CACNG5: variants seen among roughly 807,000 people sequenced by gnomAD.
CACNG5 encodes calcium voltage-gated channel auxiliary subunit gamma 5.
Under a neutral mutation model 24.8 loss-of-function variants are expected in CACNG5, and 18 were observed. The ratio of observed to expected loss-of-function variants is 0.73; its 90% CI spans 0.50 to 1.08. CACNG5 has a LOEUF of 1.08. Among genes scored for constraint, CACNG5 ranks in the 50% least tolerant of loss-of-function variants. The pLI, the probability that CACNG5 is intolerant of heterozygous loss-of-function variation, is 0.00. For synonymous variants in CACNG5, 157 were observed against 149.1 expected (o/e 1.05, Z -0.39); for missense variants, 349 against 367.9 (o/e 0.95, Z 0.42).
At chr17:66,857,137 G>A (rs1003844960) in intron 1 of CACNG5, among the ~76,000 whole-genome samples, 1 of 123,482 alleles carries the variant, frequency 8.1e-6, no homozygotes, top group Non-Finnish European at 1.6e-5. Context: ...GGACACTACA[G>A]CCTCCTCCTC....
Position 66,880,795 on chromosome 17 carries a change from G to A in CACNG5, c.424+98G>A, listed in dbSNP as rs948968436. ...CTTGCTCTGGCACCCACGCTGGAGT[G>A]CAGTGGCACGATCTTGGCTCACTGC... On this transcript the variant is annotated intron_variant, in intron 4 of 5. Transcript: ENST00000533854. The A allele has an allele frequency of 7.4e-6, 10 of 1,350,818 alleles. 1 individual carries two copies. The South Asian group carries it at 1.2e-4, about 16-fold the overall frequency. The allele number at this position is 1,350,818 out of a possible 1,614,324, so 83.7% of individuals were successfully genotyped here. A position where few individuals can be genotyped will look rare whatever the true frequency, so the allele number is the denominator to read the frequency against.
At chr17:66,882,170 A>G (rs73333296) in intron 4 of CACNG5, among the ~76,000 whole-genome samples, 1 of 152,100 alleles carries the variant, frequency 6.6e-6, no homozygotes, top group Non-Finnish European at 1.5e-5. Context: ...TTCAAGTGAC[A>G]TTTGAGAGGT....
rs1977260551 is a variant in CACNG5 at position 66,886,348 on chromosome 17, T to C, written c.*1108T>C. ...TGGGGGGTTGCCAATTTAATCCTAA[T>C]ATAGAGGAGTGTCTGCTTCCTGGGT... On this transcript the variant is annotated 3_prime_UTR_variant, in exon 6 of 6. Transcript: ENST00000533854. Among the ~76,000 whole-genome samples the C allele has an allele frequency of 6.6e-6, 1 of 152,116 alleles. No homozygotes were observed. Among genetic ancestry groups the C allele is most frequent in the Non-Finnish European group, 1.5e-5 (1 of 68,024 alleles).
At chr17:66,884,898 G>A (rs756004622) in intron 5 of CACNG5, 85 bp from the exon 6 acceptor site, 5 of 1,613,488 alleles carry the variant, frequency 3.1e-6, no homozygotes, top group Non-Finnish European at 2.5e-6. Flanking sequence ...CACCCCACTC[G>A]AGCTGTGTCC....
At chr17:66,836,340 G>T (rs73994639) in intron 1 of CACNG5, among the ~76,000 whole-genome samples, 4 of 152,188 alleles carry the variant, frequency 2.6e-5, no homozygotes, top group Admixed American at 2.6e-4. Context: ...ACAAGATGGG[G>T]CTTCCCCTCC....
At chr17:66,874,924 A>G (rs745433868) in intron 1 of CACNG5, among the ~76,000 whole-genome samples, 18 of 152,110 alleles carry the variant, frequency 1.2e-4, no homozygotes, top group Non-Finnish European at 2.2e-4. Flanking sequence ...TGTGAGCTTC[A>G]AGTGTAAATG....
chr17:66,861,882 T>G (rs1976865654), intron 1 of CACNG5, among the ~76,000 whole-genome samples: 1 of 152,182 alleles, frequency 6.6e-6, no homozygotes. Flanking sequence ...TATGTTTAAG[T>G]GGAATCTAAG....
At chr17:66,878,228 C>T (rs1397190641) in intron 2 of CACNG5, among the ~76,000 whole-genome samples, 2 of 152,232 alleles carry the variant, frequency 1.3e-5, no homozygotes, top group Non-Finnish European at 2.9e-5. Flanking sequence ...ACAAGAAAAG[C>T]ATTTCCAAGT....
rs560208815 is a variant in CACNG5 at position 66,883,908 on chromosome 17, C to T, written c.425-608C>T. Among the ~76,000 whole-genome samples, 11 of 152,130 alleles carry T rather than the reference C, an allele frequency of 7.2e-5. No individual in the cohort carries two copies. In the South Asian group the frequency reaches 1.5e-3, roughly 20 times the overall value. The stretch of plus-strand genomic sequence containing the variant: ...CAGCACTTTGGGAGGCCGAGGCTGG[C>T]GATCACTTGAGGTTAGGAGTTCGAG... On this transcript the variant is annotated intron_variant, in intron 4 of 5. Coordinates refer to ENST00000533854, the MANE Select transcript of CACNG5 (RefSeq NM_145811.3).
In CACNG5 at chr17:66,890,239, CTGCTCCAGTG is replaced by C. The variant is rs202125948; in HGVS notation, c.*5003_*5012del. Among the ~76,000 whole-genome samples the C allele has an allele frequency of 0.022, 3,341 of 152,314 alleles. 59 individuals carry two copies. The highest frequency in any genetic ancestry group is 0.032 in the Non-Finnish European group (2,146 of 68,030). ...GTGGGTTCATCCATGGTAGCAGTGG[CTGCTCCAGTG>C]TGCCATAGAAGAGACGAGGCTCAGT... On this transcript the variant is annotated 3_prime_UTR_variant, in exon 6 of 6. Transcript: ENST00000533854.
At chr17:66,864,740 T>A (rs539512559) in intron 1 of CACNG5, among the ~76,000 whole-genome samples, 1 of 152,362 alleles carries the variant, frequency 6.6e-6, no homozygotes, top group South Asian at 2.1e-4. Context: ...TTTATGTTCA[T>A]CTTTAAAAGA....
intron 1 of CACNG5, among the ~76,000 whole-genome samples, chr17:66,842,330 A>G (rs565996300): frequency 6.6e-6 from 1 of 152,232 alleles, no homozygotes; most frequent in Admixed American, 6.5e-5. Context: ...AGTCTTCTCC[A>G]TGGGTAAGAC....
chr17:66,862,614 A>T (rs1445332342), intron 1 of CACNG5, among the ~76,000 whole-genome samples: 1 of 152,092 alleles, frequency 6.6e-6, no homozygotes, highest in Non-Finnish European at 1.5e-5. Flanking sequence ...GTTACAGAAT[A>T]TTCCATTATA....
intron 1 of CACNG5, among the ~76,000 whole-genome samples, chr17:66,836,757 A>G (rs1234555009): frequency 6.6e-6 from 1 of 152,208 alleles, no homozygotes; most frequent in Non-Finnish European, 1.5e-5. Context: ...GGGGCTGGGT[A>G]GTCCAGTTCA....
rs1327830487 is a variant in CACNG5 at position 66,877,295 on chromosome 17, G to A, written c.-38G>A. 1 of 1,580,778 alleles carries A rather than the reference G, an allele frequency of 6.3e-7. No individual in the cohort carries two copies. The highest frequency in any genetic ancestry group is 1.1e-5 in the South Asian group (1 of 88,538). ...CCCAGAGCGCAGTCCGTGCTGGTGG[G>A]AGCGTGGCGACTAGTTGCACAGCAA... On this transcript the variant is annotated 5_prime_UTR_variant, in exon 2 of 6. Transcript: ENST00000533854.
rs912555541 is a variant in CACNG5, at chr17:66,894,203, T to C, written c.*8963T>C. On this transcript the variant is annotated 3_prime_UTR_variant, in exon 6 of 6. Coordinates refer to ENST00000533854, the MANE Select transcript of CACNG5 (RefSeq NM_145811.3). ...CTTCCAGGTGTGGGGACTGTCCCCA[T>C]GCGTTGACTGCTCTCCCCGACCTCC... Among the ~76,000 whole-genome samples, 1 of 152,148 alleles carries C rather than the reference T, an allele frequency of 6.6e-6. No homozygotes were observed. Among genetic ancestry groups the C allele is most frequent in the Non-Finnish European group, 1.5e-5 (1 of 68,012 alleles).
At chr17:66,877,771 A>G (rs1408942121) in intron 2 of CACNG5, among the ~76,000 whole-genome samples, 1 of 152,196 alleles carries the variant, frequency 6.6e-6, no homozygotes, top group African/African-American at 2.4e-5. Flanking sequence ...TGAAAGATGA[A>G]TGTAACTATG....
chr17:66,871,409 C>G (rs1373426076), intron 1 of CACNG5, among the ~76,000 whole-genome samples: 1 of 152,224 alleles, frequency 6.6e-6, no homozygotes, highest in Non-Finnish European at 1.5e-5. Context: ...CTTCCTCCTT[C>G]TCTCCAATTA....
chr17:66,857,103 T>A lies in CACNG5; in HGVS notation c.-103-20127T>A, dbSNP rs1438392191. Among the ~76,000 whole-genome samples, 4 of 124,224 alleles carry A rather than the reference T, an allele frequency of 3.2e-5. No homozygotes were observed. In the Admixed American group the frequency reaches 4.0e-4, roughly 12 times the overall value. 81.5% of individuals were successfully genotyped at this position (124,224 alleles called of 152,430 possible). A position where few individuals can be genotyped will look rare whatever the true frequency, so the allele number is the denominator to read the frequency against. On this transcript the variant is annotated intron_variant, in intron 1 of 5. Transcript: ENST00000533854. The stretch of plus-strand genomic sequence containing the variant: ...TTTTTTTTTTTTGATAAGGTCTCAC[T>A]CTGTCACCCAGGCTGGAGTGCAGGG...
Sources: allele counts gnomAD v4.1 joint callset (sites outside exome capture counted in the v4.1 genomes callset), GRCh38; gene constraint gnomAD v4.1.1; transcripts MANE v1.5; gene names NCBI Gene and HGNC (gene_info 2026-07-23, HGNC 2026-07-21).